The following LANCL3 variants were observed in gnomAD, a reference collection of about 807,000 sequenced individuals.
LANCL3 encodes lanC-like protein 3.
In LANCL3, 19 loss-of-function variants were observed where a neutral mutation model predicts 26.5. The ratio of observed to expected loss-of-function variants is 0.72; its 90% CI spans 0.50 to 1.05. The LOEUF is 1.05. Among genes scored for constraint, LANCL3 ranks in the 50% least tolerant of loss-of-function variants. The pLI, the probability that LANCL3 is intolerant of heterozygous loss-of-function variation, is 0.00. For missense variants in LANCL3, 318 were observed against 362.7 expected (o/e 0.88, Z 1.00); for synonymous variants, 160 against 166.6 (o/e 0.96, Z 0.30).
intron 1 of LANCL3, among the ~76,000 whole-genome samples, chrX:37,624,880 A>T (rs782516847): frequency 6.3e-5 from 7 of 111,789 alleles, no homozygotes; most frequent in Non-Finnish European, 1.3e-4. Flanking sequence ...CCTGGCCTTC[A>T]CTGCTTCCTC....
At chrX:37,656,068 T>G (rs950295880) in intron 2 of LANCL3, among the ~76,000 whole-genome samples, 2 of 111,957 alleles carry the variant, frequency 1.8e-5, no homozygotes, top group Non-Finnish European at 3.8e-5. Flanking sequence ...TTATTCTAGA[T>G]TGTAAGCTCA....
chrX:37,572,309 C>T lies in LANCL3; in HGVS notation c.439C>T (p.Leu147=), dbSNP rs1923614818. The change falls in exon 1 of 5, where the codon CTG becomes TTG. Residue 147 remains leucine (L), a synonymous_variant. Coordinates refer to ENST00000378619, the MANE Select transcript of LANCL3 (RefSeq NM_001170331.2). ...ALGRSDYVQP[L]GKFRALCAVC... Reference sequence around the variant, plus strand: ...GGGCCGGTCCGACTACGTGCAGCCGCTGGGCAAGTTCCGGGCTCTGTGTGC... The same window carrying T: ...GGGCCGGTCCGACTACGTGCAGCCGTTGGGCAAGTTCCGGGCTCTGTGTGC... 1 of 1,158,624 alleles carries T rather than the reference C, an allele frequency of 8.6e-7. No individual in the cohort carries two copies. Among genetic ancestry groups the T allele is most frequent in the Admixed American group, 2.6e-5 (1 of 38,700 alleles).
intron 1 of LANCL3, among the ~76,000 whole-genome samples, chrX:37,616,828 TC>T (rs1304015427): frequency 1.8e-5 from 2 of 111,727 alleles, no homozygotes; most frequent in African/African-American, 6.5e-5. Context: ...ATCAGTATCA[TC>T]TAGGGACTTG....
chrX:37,681,783 C>G lies in LANCL3; in HGVS notation c.*5970C>G, dbSNP rs782002179. The G allele has an allele frequency of 1.3e-4, 14 of 111,544 alleles. No homozygotes were observed. The highest frequency in any genetic ancestry group is 2.4e-4 in the Non-Finnish European group (13 of 53,122). The allele number at this position is 111,544 out of a possible 1,213,427, so 9.2% of individuals were successfully genotyped here. On this transcript the variant is annotated 3_prime_UTR_variant, in exon 5 of 5. Coordinates refer to ENST00000378619, the MANE Select transcript of LANCL3 (RefSeq NM_001170331.2). ...CTTTGTGTTTTCCTCTCTTTCTCCA[C>G]TCCTTTTGGGGCCCATTTCTATTTA...
chrX:37,665,630 G>C (rs1242758381), intron 3 of LANCL3, among the ~76,000 whole-genome samples: 3 of 112,013 alleles, frequency 2.7e-5, no homozygotes, highest in Admixed American at 9.4e-5. Context: ...CTTCCTGAAG[G>C]GTAGGAGTCA....
intron 1 of LANCL3, among the ~76,000 whole-genome samples, chrX:37,632,605 C>T (rs782330637): frequency 0.022 from 2,450 of 111,759 alleles, 28 homozygotes; most frequent in Non-Finnish European, 0.034. Context: ...TTGTTCCTTT[C>T]CATGTTTAGT....
chrX:37,594,204 ACT>A (rs1436925528), intron 1 of LANCL3, among the ~76,000 whole-genome samples: 1 of 111,688 alleles, frequency 9.0e-6, no homozygotes, highest in East Asian at 2.8e-4. Flanking sequence ...CATGGCAGTG[ACT>A]CTAAGATACT....
Position 37,643,445 on chromosome X carries a change from C to T in LANCL3, c.574-12243C>T, listed in dbSNP as rs1207095190. Among the ~76,000 whole-genome samples, 5 of 111,752 alleles carry T rather than the reference C, an allele frequency of 4.5e-5. No homozygotes were observed. In the East Asian group the frequency reaches 8.3e-4, roughly 19 times the overall value. On this transcript the variant is annotated intron_variant, in intron 1 of 4. Coordinates refer to ENST00000378619, the MANE Select transcript of LANCL3 (RefSeq NM_001170331.2). ...TATATGTGTAAGACACATTAAAGACCGCCTCAGCCTGACTTCTTATTTTTC... is the reference window on the plus strand; with the variant it reads ...TATATGTGTAAGACACATTAAAGACTGCCTCAGCCTGACTTCTTATTTTTC...
At chrX:37,667,732 G>T (rs1840023695) in intron 4 of LANCL3, among the ~76,000 whole-genome samples, 1 of 111,010 alleles carries the variant, frequency 9.0e-6, no homozygotes, top group African/African-American at 3.3e-5. Flanking sequence ...ATACTTGAGG[G>T]TGGGTAATTT....
intron 1 of LANCL3, among the ~76,000 whole-genome samples, chrX:37,596,602 T>A (rs1924436352): frequency 8.9e-6 from 1 of 112,034 alleles, no homozygotes; most frequent in Non-Finnish European, 1.9e-5. Flanking sequence ...ATACTTTCAG[T>A]ATGTTCACAG....
chrX:37,672,436 A>G (rs1926706744), intron 4 of LANCL3, among the ~76,000 whole-genome samples: 1 of 112,308 alleles, frequency 8.9e-6, no homozygotes, highest in Non-Finnish European at 1.9e-5. Flanking sequence ...TCCAGTGAAC[A>G]GTTTGCAAAC....
intron 1 of LANCL3, among the ~76,000 whole-genome samples, chrX:37,591,267 C>T (rs1924265591): frequency 9.0e-6 from 1 of 111,640 alleles, no homozygotes; most frequent in Admixed American, 9.5e-5. Flanking sequence ...TCTACTAAAG[C>T]ACAAGGATCT....
chrX:37,609,615 A>G (rs1444106578), intron 1 of LANCL3, among the ~76,000 whole-genome samples: 2 of 111,855 alleles, frequency 1.8e-5, no homozygotes, highest in Non-Finnish European at 3.8e-5. Flanking sequence ...CTCTGCTCTA[A>G]TAACATTTGT....
chrX:37,622,594 C>T (rs1002063383), intron 1 of LANCL3, among the ~76,000 whole-genome samples: 34 of 111,925 alleles, frequency 3.0e-4, no homozygotes, highest in African/African-American at 1.0e-3. Flanking sequence ...GAATTGCACA[C>T]TTCTTCATGT....
rs782547826 is a variant in LANCL3 at position 37,652,574 on chromosome X, A to G, written c.574-3114A>G. Among the ~76,000 whole-genome samples the G allele has an allele frequency of 3.5e-5, 4 of 112,721 alleles. No individual in the cohort carries two copies. In the South Asian group the frequency reaches 1.5e-3, roughly 41 times the overall value. On this transcript the variant is annotated intron_variant, in intron 1 of 4. Transcript: ENST00000378619. Reference sequence around the variant, plus strand: ...AAGAAAAGAATCTATTCCATCCAAAATATCAACAAATGCATTGATCTTAGG... The same window carrying G: ...AAGAAAAGAATCTATTCCATCCAAAGTATCAACAAATGCATTGATCTTAGG...
At chrX:37,633,328 G>A (rs1319573052) in intron 1 of LANCL3, among the ~76,000 whole-genome samples, 13 of 110,828 alleles carry the variant, frequency 1.2e-4, no homozygotes, top group Non-Finnish European at 1.7e-4. Context: ...TTATACATTC[G>A]TCTAAATTTT....
chrX:37,662,285 C>A (rs950823489), intron 3 of LANCL3, among the ~76,000 whole-genome samples: 1 of 112,404 alleles, frequency 8.9e-6, no homozygotes, highest in African/African-American at 3.2e-5. Context: ...TTTACAAAAT[C>A]ATTAAAACAA....
chrX:37,583,303 C>T (rs1272501482), intron 1 of LANCL3, among the ~76,000 whole-genome samples: 1 of 111,831 alleles, frequency 8.9e-6, no homozygotes, highest in Non-Finnish European at 1.9e-5. Context: ...AATGTGGGCT[C>T]TTTTTTGATT....
chrX:37,658,427 A>G (rs1330489564), intron 2 of LANCL3, among the ~76,000 whole-genome samples: 1 of 112,439 alleles, frequency 8.9e-6, no homozygotes, highest in Non-Finnish European at 1.9e-5. Context: ...ACAGTCAGGC[A>G]GGACAAACTA....
Sources: gnomAD v4.1 joint callset for allele counts (sites outside exome capture counted in the v4.1 genomes callset) on GRCh38, gnomAD v4.1.1 for gene constraint, MANE v1.5 for transcripts, NCBI Gene and HGNC (gene_info 2026-07-23, HGNC 2026-07-21) for gene names.